The following CEP112 variants were observed in gnomAD, a reference collection of about 807,000 sequenced individuals.
CEP112 encodes the protein centrosomal protein of 112 kDa.
Under a neutral mutation model 153.0 loss-of-function variants are expected in CEP112, and 127 were observed. That is an observed-to-expected ratio of 0.83 (90% CI 0.72 to 0.96). The LOEUF (loss-of-function observed/expected upper bound fraction) is 0.96. Among genes scored for constraint, CEP112 ranks in the 40% least tolerant of loss-of-function variants. The pLI is 0.00. For synonymous variants in CEP112, 358 were observed against 374.4 expected, an observed-to-expected ratio of 0.96 and a Z score of 0.51; for missense variants, 1,089 against 1,101.2, an observed-to-expected ratio of 0.99 and a Z score of 0.16.
At chr17:66,057,791 AC>A (rs1380365399) in intron 11 of CEP112, among the ~76,000 whole-genome samples, 1,751 of 150,988 alleles carry the variant, frequency 0.012, 36 homozygotes, top group African/African-American at 0.04. Context: ...ACACACACAC[AC>A]ACACAGCCTT....
intron 21 of CEP112, among the ~76,000 whole-genome samples, chr17:65,780,281 C>T (rs897295305): frequency 2.6e-5 from 4 of 151,984 alleles, no homozygotes; most frequent in African/African-American, 9.7e-5. Flanking sequence ...AATAAGAAAG[C>T]AAACTGTGAA....
At chr17:65,766,020 G>A (rs1471916170) in intron 21 of CEP112, among the ~76,000 whole-genome samples, 2 of 150,642 alleles carry the variant, frequency 1.3e-5, no homozygotes, top group African/African-American at 2.4e-5. Context: ...AAAAGAAAAT[G>A]TATGAATTGT....
At chr17:65,796,425 A>G (rs1340292769) in intron 21 of CEP112, among the ~76,000 whole-genome samples, 1 of 152,136 alleles carries the variant, frequency 6.6e-6, no homozygotes, top group Middle Eastern at 3.2e-3. Context: ...ATATGAGGGT[A>G]TTTTTCTTTT....
At chr17:66,182,787 T>C (rs1296313322) in intron 2 of CEP112, among the ~76,000 whole-genome samples, 1 of 152,216 alleles carries the variant, frequency 6.6e-6, no homozygotes, top group Non-Finnish European at 1.5e-5. Context: ...AACCAATAGA[T>C]TATTTTCTGC....
At chr17:65,650,840 G>A (rs1404656226) in intron 24 of CEP112, among the ~76,000 whole-genome samples, 7 of 151,730 alleles carry the variant, frequency 4.6e-5, no homozygotes, top group African/African-American at 9.7e-5. Flanking sequence ...CCCAGGAGGC[G>A]GAGGTTGCAG....
chr17:65,682,795 A>ATG (rs2047596695), intron 24 of CEP112, among the ~76,000 whole-genome samples: 1 of 152,182 alleles, frequency 6.6e-6, no homozygotes, highest in African/African-American at 2.4e-5. Flanking sequence ...TCTAACTAGA[A>ATG]TGTCCTTCCT....
chr17:65,927,528 AAAT>A, intron 19 of CEP112, 51 bp downstream of exon 19: 1 of 963,462 alleles, frequency 1.0e-6, no homozygotes, highest in Non-Finnish European at 1.6e-6. Flanking sequence ...TTTAAAAGAT[AAAT>A]CATATATGTA....
intron 12 of CEP112, among the ~76,000 whole-genome samples, chr17:66,040,425 C>A (rs2065919291): frequency 6.6e-6 from 1 of 151,344 alleles, no homozygotes; most frequent in African/African-American, 2.4e-5. Context: ...ATTTAAAATG[C>A]AAGACCTTTA....
rs547572883 is a variant in CEP112, at chr17:65,692,960, T to C, written c.2608-3742A>G. On this transcript the variant is annotated intron_variant, in intron 23 of 26. Coordinates refer to ENST00000535342, the MANE Select transcript of CEP112 (RefSeq NM_001199165.4). Reference sequence around the variant, plus strand: ...TTCATGTGGCACATTTAACCAAAGGTGATTATGTGTCCTGAGACACAAAAT... The same window carrying C: ...TTCATGTGGCACATTTAACCAAAGGCGATTATGTGTCCTGAGACACAAAAT... Among the ~76,000 whole-genome samples, 10 of 152,284 alleles carry C rather than the reference T, an allele frequency of 6.6e-5. No individual in the cohort carries two copies. In the South Asian group the frequency reaches 2.1e-3, roughly 32 times the overall value.
rs535876170 is a variant in CEP112, at chr17:65,735,947, C to T, written c.2607+7121G>A. On this transcript the variant is annotated intron_variant, in intron 23 of 26. Transcript: ENST00000535342. ...CATATTGACAAGTATAGGTTTTATC[C>T]TGTAGGTAATGGAAAGCCATTGATG... Among the ~76,000 whole-genome samples the T allele has an allele frequency of 3.9e-5, 6 of 152,246 alleles. No individual in the cohort carries two copies. In the South Asian group the frequency reaches 1.2e-3, roughly 32 times the overall value.
intron 18 of CEP112, among the ~76,000 whole-genome samples, chr17:65,945,531 T>C (rs571622593): frequency 6.6e-5 from 10 of 152,352 alleles, no homozygotes; most frequent in Non-Finnish European, 8.8e-5. Context: ...GTTCCACCAT[T>C]CTTGTAAACA....
intron 20 of CEP112, among the ~76,000 whole-genome samples, chr17:65,858,799 C>T (rs1738847678): frequency 1.3e-5 from 2 of 152,134 alleles, no homozygotes; most frequent in Admixed American, 1.3e-4. Flanking sequence ...TCAATTATTT[C>T]TAAGTATTTT....
chr17:66,088,996 T>G (rs1042612378), intron 8 of CEP112, among the ~76,000 whole-genome samples: 1 of 152,046 alleles, frequency 6.6e-6, no homozygotes, highest in East Asian at 1.9e-4. Context: ...AGGCTTACCA[T>G]GCAGACCCAA....
intron 23 of CEP112, among the ~76,000 whole-genome samples, chr17:65,720,516 G>A (rs1035653958): frequency 1.3e-5 from 2 of 152,170 alleles, no homozygotes; most frequent in African/African-American, 2.4e-5. Context: ...GATACTTCAG[G>A]GGAGTCAAGC....
chr17:66,033,433 A>C (rs975200970), intron 12 of CEP112, among the ~76,000 whole-genome samples: 1 of 152,170 alleles, frequency 6.6e-6, no homozygotes, highest in East Asian at 1.9e-4. Context: ...ATCACTCAGA[A>C]TAAGAAGAGA....
chr17:66,177,159 C>T lies in CEP112; in HGVS notation c.107-139G>A. ...TCTGTTAAAGGCCAGAGAGTATATA[C>T]TTTAGGCTTCACAGGCCATATGATC... On this transcript the variant is annotated intron_variant, in intron 2 of 26. Transcript: ENST00000535342. 4 of 629,756 alleles carry T rather than the reference C, an allele frequency of 6.4e-6. No homozygotes were observed. The South Asian group carries it at 1.1e-4, about 17-fold the overall frequency. 39.0% of individuals were successfully genotyped at this position (629,756 alleles called of 1,614,324 possible).
chr17:65,924,390 G>A (rs992530547), intron 19 of CEP112, among the ~76,000 whole-genome samples: 1 of 151,958 alleles, frequency 6.6e-6, no homozygotes, highest in Non-Finnish European at 1.5e-5. Flanking sequence ...TATTTCTATA[G>A]GATAGGTTCT....
At chr17:65,735,344 G>T (rs2050737867) in intron 23 of CEP112, among the ~76,000 whole-genome samples, 2 of 152,092 alleles carry the variant, frequency 1.3e-5, no homozygotes, top group African/African-American at 4.8e-5. Flanking sequence ...TACTCATACA[G>T]ACACAGAACT....
intron 17 of CEP112, among the ~76,000 whole-genome samples, chr17:65,975,522 G>T (rs2063002078): frequency 1.3e-5 from 2 of 152,100 alleles, no homozygotes; most frequent in African/African-American, 4.8e-5. Flanking sequence ...TCCACCTGCT[G>T]AAAGGGGCTA....
Sources: gnomAD v4.1 joint callset for allele counts (sites outside exome capture counted in the v4.1 genomes callset) on GRCh38, gnomAD v4.1.1 for gene constraint, MANE v1.5 for transcripts, NCBI Gene and HGNC (gene_info 2026-07-23, HGNC 2026-07-21) for gene names.